Variants in SLC8A1 observed in about 807,000 individuals in gnomAD.
The protein encoded by SLC8A1 is solute carrier family 8 member A1.
SLC8A1 carries 18 observed loss-of-function variants against 68.3 expected under a neutral mutation model. The observed-to-expected ratio is 0.26, with a 90% CI of 0.18 to 0.39. SLC8A1 has a LOEUF of 0.39. SLC8A1 is among the 10% of genes least tolerant of loss of function. The probability of loss-of-function intolerance (pLI) is 1.00; values close to 1 mark genes in which losing one functional copy is unlikely to be tolerated. For missense variants in SLC8A1, 985 were observed against 1,156.7 expected, an observed-to-expected ratio of 0.85 and a Z score of 2.15; for synonymous variants, 475 against 415.5, an observed-to-expected ratio of 1.14 and a Z score of -1.74.
At chr2:40,199,024 A>G (rs989933189) in intron 2 of SLC8A1, among the ~76,000 whole-genome samples, 10 of 151,852 alleles carry the variant, frequency 6.6e-5, no homozygotes, top group African/African-American at 1.4e-4. Context: ...GGAAGGCATT[A>G]TATTTTAAAA....
intron 1 of SLC8A1, among the ~76,000 whole-genome samples, chr2:40,506,617 A>T (rs567737891): frequency 1.4e-4 from 21 of 152,076 alleles, no homozygotes; most frequent in African/African-American, 5.1e-4. Flanking sequence ...TGATAATTTT[A>T]AAAAATGTAA....
chr2:40,282,548 G>A (rs557361775), intron 2 of SLC8A1, among the ~76,000 whole-genome samples: 1 of 152,154 alleles, frequency 6.6e-6, no homozygotes, highest in South Asian at 2.1e-4. Context: ...ATAAAAAATA[G>A]ACCTTGCTCT....
chr2:40,433,152 T>C (rs916732521), intron 1 of SLC8A1, among the ~76,000 whole-genome samples: 13 of 152,124 alleles, frequency 8.5e-5, no homozygotes, highest in African/African-American at 3.1e-4. Flanking sequence ...AAAGTGCAGA[T>C]CTGACACTCT....
At chr2:40,283,072 T>C (rs900057801) in intron 2 of SLC8A1, among the ~76,000 whole-genome samples, 12 of 152,198 alleles carry the variant, frequency 7.9e-5, no homozygotes, top group Non-Finnish European at 1.3e-4. Flanking sequence ...AATTAACTAT[T>C]CTACTAGATT....
intron 4 of SLC8A1, among the ~76,000 whole-genome samples, chr2:40,173,365 C>T (rs1275807460): frequency 6.6e-6 from 1 of 151,994 alleles, no homozygotes; most frequent in Non-Finnish European, 1.5e-5. Context: ...GACATCTGAC[C>T]CAGAAGAGCT....
intron 2 of SLC8A1, among the ~76,000 whole-genome samples, chr2:40,203,336 C>T (rs1266181926): frequency 6.6e-6 from 1 of 151,992 alleles, no homozygotes; most frequent in African/African-American, 2.4e-5. Context: ...TTGGAGCAAA[C>T]AGCTAAAGAA....
intron 2 of SLC8A1, among the ~76,000 whole-genome samples, chr2:40,354,406 C>A (rs1192492199): frequency 6.6e-6 from 1 of 152,148 alleles, no homozygotes; most frequent in East Asian, 1.9e-4. Flanking sequence ...GTGCACAGCC[C>A]ACCCATCTGC....
At chr2:40,207,628 A>C (rs2055716131) in intron 2 of SLC8A1, among the ~76,000 whole-genome samples, 1 of 152,142 alleles carries the variant, frequency 6.6e-6, no homozygotes, top group South Asian at 2.1e-4. Context: ...AAGAAGATGA[A>C]AATAATATAA....
At position 40,338,674 on chromosome 2, in the gene SLC8A1, A is replaced by C. The variant is rs560017568; in HGVS notation, c.1808+89799T>G. 2.6e-5 allele frequency among the ~76,000 whole-genome samples: 4 copies of C among 152,332 alleles called. No individual in the cohort carries two copies. In the South Asian group the frequency reaches 8.3e-4, roughly 32 times the overall value. On this transcript the variant is annotated intron_variant, in intron 2 of 7. Transcript: ENST00000406785. ...TTTCATCCATAAGTGACAACAAAAC[A>C]AGTTGTGTCATAAAGAAGTCACTAG...
intron 2 of SLC8A1, among the ~76,000 whole-genome samples, chr2:40,291,624 G>A (rs892015978): frequency 6.6e-6 from 1 of 152,066 alleles, no homozygotes; most frequent in African/African-American, 2.4e-5. Context: ...AATGCCACAT[G>A]AGCAAACTTG....
At chr2:40,392,576 G>A (rs540396870) in intron 2 of SLC8A1, among the ~76,000 whole-genome samples, 1 of 152,206 alleles carries the variant, frequency 6.6e-6, no homozygotes, top group African/African-American at 2.4e-5. Flanking sequence ...ATGGGTAAGT[G>A]CTAATTGCTG....
At chr2:40,443,629 G>A (rs1310304956) in intron 1 of SLC8A1, among the ~76,000 whole-genome samples, 1 of 152,148 alleles carries the variant, frequency 6.6e-6, no homozygotes, top group Non-Finnish European at 1.5e-5. Flanking sequence ...GCATTTAATT[G>A]CATTCTACCA....
chr2:40,494,325 C>A (rs1378349455), intron 1 of SLC8A1, among the ~76,000 whole-genome samples: 3 of 151,916 alleles, frequency 2.0e-5, no homozygotes, highest in African/African-American at 7.3e-5. Flanking sequence ...TGAGAGATTG[C>A]TCTTGAGATT....
chr2:40,386,301 A>G (rs1050120061), intron 2 of SLC8A1, among the ~76,000 whole-genome samples: 10 of 151,186 alleles, frequency 6.6e-5, no homozygotes, highest in African/African-American at 2.2e-4. Context: ...TAATGAGTCT[A>G]TTTTACTTTC....
intron 2 of SLC8A1, among the ~76,000 whole-genome samples, chr2:40,249,261 T>C (rs1040298635): frequency 2.0e-5 from 3 of 152,164 alleles, no homozygotes; most frequent in African/African-American, 7.2e-5. Context: ...AGTAAAAAAA[T>C]AGGGTTTTGA....
exon 8 of SLC8A1, chr2:40,100,251 A>G (rs1458255096): frequency 6.6e-6 from 1 of 152,258 alleles, no homozygotes; most frequent in Middle Eastern, 3.4e-3. Context: ...TCTTAAGCTA[A>G]GAGAAAATTT....
intron 1 of SLC8A1, among the ~76,000 whole-genome samples, chr2:40,461,129 G>A (rs1703316583): frequency 6.6e-6 from 1 of 152,134 alleles, no homozygotes; most frequent in Non-Finnish European, 1.5e-5. Flanking sequence ...TTCATTTTGA[G>A]AGGAATCACT....
chr2:40,409,910 T>C (rs187769774), intron 2 of SLC8A1, among the ~76,000 whole-genome samples: 1 of 152,068 alleles, frequency 6.6e-6, no homozygotes, highest in East Asian at 1.9e-4. Context: ...TGCTACTGCA[T>C]ATCTGGCATC....
chr2:40,178,324 G>A (rs2048849872), intron 2 of SLC8A1, 63 bp downstream of exon 3: 5 of 1,179,618 alleles, frequency 4.2e-6, no homozygotes, highest in African/African-American at 1.5e-5. Context: ...AAGAGTGCAG[G>A]CATCCAGGGG....
Sources: gnomAD v4.1 joint callset for allele counts (sites outside exome capture counted in the v4.1 genomes callset) on GRCh38, gnomAD v4.1.1 for gene constraint, MANE v1.5 for transcripts, NCBI Gene and HGNC (gene_info 2026-07-23, HGNC 2026-07-21) for gene names.